The following GNA13 variants were observed in gnomAD, a reference collection of about 807,000 sequenced individuals.
GNA13 encodes guanine nucleotide-binding protein subunit alpha-13.
Under a neutral mutation model 33.5 loss-of-function variants are expected in GNA13, and 4 were observed. The ratio of observed to expected loss-of-function variants is 0.12; its 90% CI spans 0.06 to 0.27. The LOEUF (loss-of-function observed/expected upper bound fraction) is 0.27, where lower values mean the gene tolerates loss of function less well. Among genes scored for constraint, GNA13 ranks in the 10% least tolerant of loss-of-function variants. GNA13 has a pLI of 1.00. For synonymous variants in GNA13, 176 were observed against 183.8 expected, an observed-to-expected ratio of 0.96 and a Z score of 0.34; for missense variants, 319 against 487.2, an observed-to-expected ratio of 0.65 and a Z score of 3.25.
At chr17:65,025,817 C>CAAGA (rs1906759510) in intron 2 of GNA13, among the ~76,000 whole-genome samples, 1 of 104,626 alleles carries the variant, frequency 9.6e-6, no homozygotes, top group Non-Finnish European at 2.0e-5. Context: ...CCCATCTCTA[C>CAAGA]AAAAAAAAAA....
chr17:65,045,042 C>CAAAAAAAAAAAAAAAAACAAAAAA (rs1244382117), intron 2 of GNA13, among the ~76,000 whole-genome samples: 1 of 53,290 alleles, frequency 1.9e-5, no homozygotes, highest in Non-Finnish European at 3.8e-5. Context: ...GACTCCATCT[C>CAAAAAAAAAAAAAAAAACAAAAAA]AAAAAAAAAA....
At chr17:65,021,664 T>G (rs1348111619) in intron 2 of GNA13, among the ~76,000 whole-genome samples, 1 of 152,208 alleles carries the variant, frequency 6.6e-6, no homozygotes, top group Admixed American at 6.5e-5. Flanking sequence ...CAAGAAGAAC[T>G]GATCTGCTGT....
chr17:65,045,741 G>T (rs1200260844), intron 2 of GNA13, among the ~76,000 whole-genome samples: 1 of 152,116 alleles, frequency 6.6e-6, no homozygotes, highest in Non-Finnish European at 1.5e-5. Context: ...AAGGATATTA[G>T]GAAAGTTCAG....
chr17:65,028,488 A>T (rs1906886940), intron 2 of GNA13, among the ~76,000 whole-genome samples: 2 of 151,916 alleles, frequency 1.3e-5, no homozygotes, highest in African/African-American at 4.8e-5. Flanking sequence ...GGTGATTCTT[A>T]AGGTTGCTCA....
intron 2 of GNA13, among the ~76,000 whole-genome samples, chr17:65,038,300 A>C (rs1907332268): frequency 6.6e-6 from 1 of 152,056 alleles, no homozygotes; most frequent in African/African-American, 2.4e-5. Flanking sequence ...CTACTTGGGA[A>C]GCTGAGGTAG....
Position 65,040,740 on chromosome 17 carries a change from C to T in GNA13, c.510+12762G>A, listed in dbSNP as rs889861206. 3.3e-5 allele frequency among the ~76,000 whole-genome samples: 5 copies of T among 152,282 alleles called. No homozygotes were observed. The East Asian group carries it at 5.8e-4, about 18-fold the overall frequency. Reference sequence around the variant, plus strand: ...TTTCCTGACCTTGTGATCTGCCTGCCTTGGACTCCCAAAGTGCTGGGATTA... The same window carrying T: ...TTTCCTGACCTTGTGATCTGCCTGCTTTGGACTCCCAAAGTGCTGGGATTA... On this transcript the variant is annotated intron_variant, in intron 2 of 3. Coordinates refer to ENST00000439174, the MANE Select transcript of GNA13 (RefSeq NM_006572.6).
intron 2 of GNA13, among the ~76,000 whole-genome samples, chr17:65,035,208 T>C (rs1230479073): frequency 6.6e-6 from 1 of 152,228 alleles, no homozygotes; most frequent in Non-Finnish European, 1.5e-5. Flanking sequence ...ATTTGTTCCA[T>C]GTTACCATTT....
chr17:65,042,236 T>C (rs1907482329), intron 2 of GNA13, among the ~76,000 whole-genome samples: 1 of 151,234 alleles, frequency 6.6e-6, no homozygotes, highest in Non-Finnish European at 1.5e-5. Context: ...CACATGCATG[T>C]AATCCCAGCT....
chr17:65,051,056 G>A (rs148507700), intron 2 of GNA13, among the ~76,000 whole-genome samples: 80 of 152,234 alleles, frequency 5.3e-4, no homozygotes, highest in African/African-American at 1.7e-3. Flanking sequence ...ACAGTTAGAC[G>A]TCAGCTTCCA....
chr17:65,031,397 A>G (rs1907003617), intron 2 of GNA13, among the ~76,000 whole-genome samples: 1 of 152,238 alleles, frequency 6.6e-6, no homozygotes, highest in South Asian at 2.1e-4. Flanking sequence ...ACACGACTGT[A>G]AATGTCTGTG....
At chr17:65,024,951 T>A (rs1906718432) in intron 2 of GNA13, among the ~76,000 whole-genome samples, 1 of 152,246 alleles carries the variant, frequency 6.6e-6, no homozygotes, top group South Asian at 2.1e-4. Flanking sequence ...AGTGGCACAA[T>A]GTAGCCACTG....
At chr17:65,046,258 AATT>A (rs1030979015) in intron 2 of GNA13, among the ~76,000 whole-genome samples, 8 of 152,156 alleles carry the variant, frequency 5.3e-5, no homozygotes, top group South Asian at 2.1e-4. Flanking sequence ...TAAATTAAAC[AATT>A]ATTATAATTA....
intron 1 of GNA13, among the ~76,000 whole-genome samples, 155 bp downstream of exon 1, chr17:65,056,156 C>T (rs1455267898): frequency 6.6e-6 from 1 of 151,672 alleles, no homozygotes; most frequent in South Asian, 2.1e-4. Flanking sequence ...GCGGGCAGGG[C>T]CAGTTGCCGG....
intron 2 of GNA13, among the ~76,000 whole-genome samples, chr17:65,023,498 T>C (rs1203770216): frequency 6.6e-6 from 1 of 152,230 alleles, no homozygotes; most frequent in Non-Finnish European, 1.5e-5. Flanking sequence ...GAACGCTGAA[T>C]GGTTTCGGAA....
At chr17:65,015,318 T>C (rs1266560813) in intron 3 of GNA13, among the ~76,000 whole-genome samples, 1 of 152,096 alleles carries the variant, frequency 6.6e-6, no homozygotes, top group Non-Finnish European at 1.5e-5. Context: ...GCCAGAGTGA[T>C]CTTCCTGTCT....
rs201626569 is a variant in GNA13, at chr17:65,053,567, T to C, written c.445A>G (p.Ile149Val). The change falls in exon 2 of 4, where the codon ATA becomes GTA. Residue 149 changes from isoleucine (I) to valine (V), a missense_variant. Coordinates refer to ENST00000439174, the MANE Select transcript of GNA13 (RefSeq NM_006572.6). Reference protein sequence around the residue: ...TRVFLQYLPAIRALWADSGIQ... With the variant: ...TRVFLQYLPAVRALWADSGIQ... The stretch of plus-strand genomic sequence containing the variant: ...CCGCTGTCTGCCCATAATGCTCTTA[T>C]AGCAGGAAGATATTGTAAGAAAACC... The C allele has an allele frequency of 3.2e-4, 511 of 1,613,990 alleles. 2 individuals carry two copies. The highest frequency in any genetic ancestry group is 1.3e-3 in the Middle Eastern group (8 of 6,062).
intron 2 of GNA13, among the ~76,000 whole-genome samples, chr17:65,043,896 A>C (rs1907554569): frequency 6.6e-6 from 1 of 152,086 alleles, no homozygotes; most frequent in Non-Finnish European, 1.5e-5. Context: ...CCAAGATGGG[A>C]GAATCATTTG....
chr17:65,055,997 A>AC (rs1908038617), intron 1 of GNA13, among the ~76,000 whole-genome samples: 1 of 152,028 alleles, frequency 6.6e-6, no homozygotes, highest in Non-Finnish European at 1.5e-5. Context: ...CCGAGGCAGC[A>AC]CCCAGCTCGC....
intron 2 of GNA13, among the ~76,000 whole-genome samples, chr17:65,040,576 C>A (rs1320293828): frequency 1.3e-5 from 2 of 152,148 alleles, no homozygotes; most frequent in Non-Finnish European, 1.5e-5. Flanking sequence ...ATGACCTTGG[C>A]TCACCGCAAC....
Sources: gnomAD v4.1 joint callset for allele counts (sites outside exome capture counted in the v4.1 genomes callset) on GRCh38, gnomAD v4.1.1 for gene constraint, MANE v1.5 for transcripts, NCBI Gene and HGNC (gene_info 2026-07-23, HGNC 2026-07-21) for gene names.